Variants in TMEM132D observed in about 807,000 individuals in gnomAD.
TMEM132D encodes the protein mature OL transmembrane protein.
TMEM132D carries 21 observed loss-of-function variants against 62.3 expected under a neutral mutation model. The ratio of observed to expected loss-of-function variants is 0.34; its 90% confidence interval spans 0.24 to 0.49. The LOEUF is 0.49. Ranked by LOEUF, TMEM132D falls within the 20% of genes least tolerant of loss-of-function variation. The pLI is 0.99. For synonymous variants in TMEM132D, 621 were observed against 575.6 expected, an observed-to-expected ratio of 1.08 and a Z score of -1.13; for missense variants, 1,346 against 1,402.8, an observed-to-expected ratio of 0.96 and a Z score of 0.65.
chr12:129,128,547 C>T (rs980568835), intron 5 of TMEM132D, among the ~76,000 whole-genome samples: 1 of 152,190 alleles, frequency 6.6e-6, no homozygotes, highest in African/African-American at 2.4e-5. Context: ...AATTACCTCC[C>T]ACCAGGTCCC....
chr12:129,754,863 T>C (rs1387198154), intron 1 of TMEM132D, among the ~76,000 whole-genome samples: 1 of 152,180 alleles, frequency 6.6e-6, no homozygotes, highest in Admixed American at 6.5e-5. Context: ...ACATAGGGAC[T>C]GGAGGCATCT....
chr12:129,423,989 G>A lies in TMEM132D; in HGVS notation c.1116-86172C>T, dbSNP rs144817517. On this transcript the variant is annotated intron_variant, in intron 3 of 8. Transcript: ENST00000422113. ...AAAATATTTGACATTTTTAGAAAATGACATAAAAATTTTCCAGCCTTTTGT... is the reference window on the plus strand; with the variant it reads ...AAAATATTTGACATTTTTAGAAAATAACATAAAAATTTTCCAGCCTTTTGT... Among the ~76,000 whole-genome samples the A allele has an allele frequency of 5.3e-4, 81 of 152,230 alleles. No individual in the cohort carries two copies. The East Asian group carries it at 0.015, about 28-fold the overall frequency.
intron 1 of TMEM132D, among the ~76,000 whole-genome samples, chr12:129,776,246 A>G (rs1565981585): frequency 6.6e-6 from 1 of 152,204 alleles, no homozygotes; most frequent in Non-Finnish European, 1.5e-5. Context: ...CACGGACGTG[A>G]ACCCCAAAAA....
Position 129,700,542 on chromosome 12 carries a change from A to C in TMEM132D, c.236T>G (p.Val79Gly), listed in dbSNP as rs2137227592. Residue 79 changes from valine to glycine, a missense_variant, in exon 2 of 9, where the codon GTG (valine) becomes GGG (glycine). Val to Gly is a moderately radical substitution (Grantham distance 109). Coordinates refer to ENST00000422113, the MANE Select transcript of TMEM132D (RefSeq NM_133448.3). ...IMRNSSLQSRVESFLIYKSRR... is the reference protein window; with the variant it reads ...IMRNSSLQSRGESFLIYKSRR... ...GGATTTGTAAATCAGAAATGACTCCACCCGGGACTGCAGGCTGGAGTTCCT... is the reference window on the plus strand; with the variant it reads ...GGATTTGTAAATCAGAAATGACTCCCCCCGGGACTGCAGGCTGGAGTTCCT... 6.2e-7 allele frequency: 1 copy of C among 1,613,928 alleles called. No homozygotes were observed. Among genetic ancestry groups the C allele is most frequent in the East Asian group, 2.2e-5 (1 of 44,854 alleles).
chr12:129,134,621 T>G (rs998022855), intron 5 of TMEM132D, among the ~76,000 whole-genome samples: 5 of 152,194 alleles, frequency 3.3e-5, no homozygotes, highest in Non-Finnish European at 5.9e-5. Flanking sequence ...TCTCCCCATT[T>G]AATAATTAAA....
intron 2 of TMEM132D, among the ~76,000 whole-genome samples, chr12:129,648,276 G>T (rs1027160200): frequency 6.6e-6 from 1 of 152,006 alleles, no homozygotes; most frequent in Non-Finnish European, 1.5e-5. Flanking sequence ...CTCCACCCAG[G>T]AGCTGATTCA....
intron 1 of TMEM132D, among the ~76,000 whole-genome samples, chr12:129,736,599 G>T (rs1869431075): frequency 1.8e-5 from 2 of 110,614 alleles, no homozygotes; most frequent in Admixed American, 1.1e-4. Context: ...GAAAAACAAT[G>T]ATGTTTTATA....
chr12:129,156,704 T>A (rs1877257458), intron 5 of TMEM132D, among the ~76,000 whole-genome samples: 1 of 151,044 alleles, frequency 6.6e-6, no homozygotes, highest in African/African-American at 2.4e-5. Flanking sequence ...GAGACAACTA[T>A]CACACTCCTG....
At chr12:129,273,351 C>T (rs1368274830) in intron 4 of TMEM132D, among the ~76,000 whole-genome samples, 2 of 149,956 alleles carry the variant, frequency 1.3e-5, no homozygotes, top group African/African-American at 5.0e-5. Flanking sequence ...TCTCAAAGAA[C>T]TTAAGGAACT....
intron 3 of TMEM132D, among the ~76,000 whole-genome samples, chr12:129,454,173 G>A (rs963811725): frequency 6.6e-6 from 1 of 152,192 alleles, no homozygotes; most frequent in African/African-American, 2.4e-5. Context: ...GCTAAGCAGA[G>A]TGCACTGAAT....
chr12:129,200,144 G>T (rs772905800), intron 5 of TMEM132D, among the ~76,000 whole-genome samples: 1 of 152,014 alleles, frequency 6.6e-6, no homozygotes, highest in Non-Finnish European at 1.5e-5. Flanking sequence ...ATGGAGGGGG[G>T]ACCAAGAGGG....
Position 129,209,503 on chromosome 12 carries a change from GGGAGGTGTC to G in TMEM132D, c.1443+8_1443+16del. 6.2e-7 allele frequency: 1 copy of G among 1,613,636 alleles called. No homozygotes were observed. Among genetic ancestry groups the G allele is most frequent in the Non-Finnish European group, 8.5e-7 (1 of 1,179,702 alleles). ...ATGACAGCAGGTTTCTGCAGGGGCGGGGAGGTGTCAACTTGCCTTAATCACGTCTTCATC... is the reference window on the plus strand; with the variant it reads ...ATGACAGCAGGTTTCTGCAGGGGCGGAACTTGCCTTAATCACGTCTTCATC... On this transcript the variant is annotated splice_region_variant and intron_variant, in intron 5 of 8. Transcript: ENST00000422113.
At chr12:129,879,517 C>T (rs75562137) in intron 1 of TMEM132D, among the ~76,000 whole-genome samples, 4,334 of 152,166 alleles carry the variant, frequency 0.028, 199 homozygotes, top group African/African-American at 0.098. Context: ...TCCTGCAAAG[C>T]GAGAAGAAAC....
intron 1 of TMEM132D, among the ~76,000 whole-genome samples, chr12:129,745,739 A>T (rs572488770): frequency 1.3e-5 from 2 of 152,350 alleles, no homozygotes; most frequent in Admixed American, 1.3e-4. Flanking sequence ...TCTGGAACAG[A>T]GCACCAGGTA....
At chr12:129,797,057 C>T (rs1593165245) in intron 1 of TMEM132D, among the ~76,000 whole-genome samples, 1 of 152,156 alleles carries the variant, frequency 6.6e-6, no homozygotes, top group African/African-American at 2.4e-5. Flanking sequence ...CTCTTCTCAA[C>T]GCTATGCTCT....
intron 3 of TMEM132D, among the ~76,000 whole-genome samples, chr12:129,441,441 C>T (rs559248155): frequency 1.5e-4 from 23 of 152,270 alleles, no homozygotes; most frequent in African/African-American, 4.3e-4. Context: ...AGGAGGTGAT[C>T]CCAAACCAGA....
intron 3 of TMEM132D, among the ~76,000 whole-genome samples, chr12:129,471,340 T>A (rs998934525): frequency 1.3e-5 from 2 of 152,166 alleles, no homozygotes; most frequent in African/African-American, 4.8e-5. Context: ...TGCAATATTT[T>A]AAGTTATTAT....
chr12:129,174,303 G>A (rs1006631163), intron 5 of TMEM132D, among the ~76,000 whole-genome samples: 3 of 151,886 alleles, frequency 2.0e-5, no homozygotes, highest in Non-Finnish European at 4.4e-5. Context: ...TGTTCAACTC[G>A]CACTTATGAG....
chr12:129,656,556 G>A (rs1344788955), intron 2 of TMEM132D, among the ~76,000 whole-genome samples: 1 of 152,070 alleles, frequency 6.6e-6, no homozygotes, highest in Non-Finnish European at 1.5e-5. Context: ...TACTAGGTGT[G>A]GTAAAGCATG....
Sources: gnomAD v4.1 joint callset for allele counts (sites outside exome capture counted in the v4.1 genomes callset) on GRCh38, gnomAD v4.1.1 for gene constraint, MANE v1.5 for transcripts, NCBI Gene and HGNC (gene_info 2026-07-23, HGNC 2026-07-21) for gene names.